Variants in ZIM2 observed in about 807,000 individuals in gnomAD.
ZIM2 encodes the protein zinc finger protein 656.
A neutral mutation model predicts 38.6 loss-of-function variants in ZIM2; 14 were observed. That is an observed-to-expected ratio of 0.36 (90% CI 0.24 to 0.57). The LOEUF (loss-of-function observed/expected upper bound fraction) is 0.57. ZIM2 is among the 20% of genes least tolerant of loss of function. The pLI is 0.81. For missense variants in ZIM2, 680 were observed against 695.1 expected (o/e 0.98, Z 0.24); for synonymous variants, 247 against 245.8 (o/e 1.00, Z -0.04).
chr19:56,784,768 A>T (rs1217802073), intron 10 of ZIM2, among the ~76,000 whole-genome samples: 1 of 152,178 alleles, frequency 6.6e-6, no homozygotes, highest in Non-Finnish European at 1.5e-5. Context: ...GATCCATTAC[A>T]TTATCTCTAA....
rs563301824 is a variant in ZIM2, at chr19:56,824,739, G to A, written c.-150-312C>T. The stretch of plus-strand genomic sequence containing the variant: ...CAGCCTGTGACCGTCAGTACTCAGG[G>A]ACCTGTGGATCGTAAGGAGATATAC... On this transcript the variant is annotated intron_variant, in intron 3 of 12. Coordinates refer to ENST00000629319, the MANE Select transcript of ZIM2 (RefSeq NM_001387356.1). 197 of 1,324,308 alleles carry A rather than the reference G, an allele frequency of 1.5e-4. 4 individuals are homozygous for A. The South Asian group carries it at 2.2e-3, about 15-fold the overall frequency. The allele number at this position is 1,324,308 out of a possible 1,614,324, so 82.0% of individuals were successfully genotyped here.
Position 56,774,566 on chromosome 19 carries a change from C to T in ZIM2, c.*122G>A. 1.5e-6 allele frequency: 2 copies of T among 1,360,874 alleles called. No individual in the cohort carries two copies. The highest frequency in any genetic ancestry group is 1.8e-5 in the South Asian group (1 of 56,050). 84.3% of individuals were successfully genotyped at this position (1,360,874 alleles called of 1,614,324 possible). ...TGCAACTTTTTTTTTTTTTTTACCA[C>T]ACTTTGATGAATGTTCAAGTTGTTA... On this transcript the variant is annotated 3_prime_UTR_variant, in exon 13 of 13. Coordinates refer to ENST00000629319, the MANE Select transcript of ZIM2 (RefSeq NM_001387356.1).
chr19:56,792,260 G>C (rs2046972366), intron 9 of ZIM2, among the ~76,000 whole-genome samples: 1 of 151,950 alleles, frequency 6.6e-6, no homozygotes, highest in African/African-American at 2.4e-5. Flanking sequence ...ATCTGCGGTG[G>C]CTCTTGTCTA....
At chr19:56,829,331 G>A (rs1177651115) in intron 2 of ZIM2, among the ~76,000 whole-genome samples, 3 of 141,442 alleles carry the variant, frequency 2.1e-5, no homozygotes, top group Admixed American at 7.3e-5. Flanking sequence ...GCAACAGAGC[G>A]AGACTCCATC....
chr19:56,812,416 G>T (rs998292457), intron 9 of ZIM2: 2 of 974,624 alleles, frequency 2.1e-6, no homozygotes, highest in South Asian at 4.8e-5. Context: ...TGACTGTAAA[G>T]AATTTTTTTT....
intron 10 of ZIM2, among the ~76,000 whole-genome samples, chr19:56,788,472 C>T (rs1176300007): frequency 6.6e-6 from 1 of 152,122 alleles, no homozygotes; most frequent in African/African-American, 2.4e-5. Flanking sequence ...TTGATATTGA[C>T]CTCCACTCTC....
intron 9 of ZIM2, chr19:56,815,783 T>C: frequency 1.2e-6 from 2 of 1,613,842 alleles, no homozygotes; most frequent in Non-Finnish European, 1.7e-6. Context: ...TTGCGATTCT[T>C]ACTGCCCCCT....
chr19:56,784,767 C>T (rs926762526), intron 10 of ZIM2, among the ~76,000 whole-genome samples: 7 of 152,252 alleles, frequency 4.6e-5, no homozygotes, highest in Non-Finnish European at 5.9e-5. Context: ...AGATCCATTA[C>T]ATTATCTCTA....
intron 9 of ZIM2, chr19:56,817,210 G>C: frequency 6.2e-7 from 1 of 1,614,144 alleles, no homozygotes; most frequent in Non-Finnish European, 8.5e-7. Context: ...CTTCTTCCTG[G>C]GACAGCCTTT....
chr19:56,816,730 G>T, intron 9 of ZIM2: 1 of 1,614,062 alleles, frequency 6.2e-7, no homozygotes, highest in Non-Finnish European at 8.5e-7. Context: ...ATGAAGGAAG[G>T]TTTCCTTACA....
At chr19:56,813,867 T>G (rs760882422) in intron 9 of ZIM2, 1 of 1,614,208 alleles carries the variant, frequency 6.2e-7, no homozygotes, top group Admixed American at 1.7e-5. Context: ...TGGCATGAGT[T>G]TTCAGGTGTT....
Position 56,808,698 on chromosome 19 carries a change from G to A in ZIM2, c.490+9048C>T, listed in dbSNP as rs1179915160. Among the ~76,000 whole-genome samples the A allele has an allele frequency of 1.1e-4, 16 of 152,100 alleles. 1 individual carries two copies. The highest frequency in any genetic ancestry group is 1.0e-3 in the Admixed American group (16 of 15,268). ...AATGTTCTGATCCCCAACAATTAGT[G>A]TTTAGATTCAACATCCACTAATCCT... On this transcript the variant is annotated intron_variant, in intron 9 of 12. Transcript: ENST00000629319.
chr19:56,834,018 G>A (rs1351836539), intron 2 of ZIM2, among the ~76,000 whole-genome samples: 1 of 152,116 alleles, frequency 6.6e-6, no homozygotes, highest in Non-Finnish European at 1.5e-5. Context: ...TAGAAAGAGA[G>A]GAAATAATAT....
intron 9 of ZIM2, among the ~76,000 whole-genome samples, chr19:56,805,410 G>A (rs915297886): frequency 2.0e-5 from 3 of 152,186 alleles, no homozygotes; most frequent in Admixed American, 6.5e-5. Flanking sequence ...GTTGTGGATT[G>A]GTTCTGCAGT....
At chr19:56,812,897 CCAAT>C in intron 9 of ZIM2, 1 of 984,714 alleles carries the variant, frequency 1.0e-6, no homozygotes, top group Non-Finnish European at 1.2e-6. Context: ...CATGTGGCAA[CCAAT>C]CAATCTGGGT....
At chr19:56,834,616 G>A (rs1031678236) in intron 2 of ZIM2, among the ~76,000 whole-genome samples, 1 of 152,186 alleles carries the variant, frequency 6.6e-6, no homozygotes, top group Admixed American at 6.5e-5. Context: ...CCTGAGCTTA[G>A]TTAAATGTGG....
intron 2 of ZIM2, chr19:56,833,749 G>A (rs1018417340): frequency 6.5e-6 from 1 of 154,932 alleles, no homozygotes; most frequent in Non-Finnish European, 1.4e-5. Context: ...AAGGTATCCA[G>A]TCTGGTCCAA....
rs144305280 is a variant in ZIM2, at chr19:56,779,484, G to A, written c.740-12C>T. The A allele has an allele frequency of 4.1e-4, 656 of 1,613,266 alleles. 2 individuals are homozygous for A. The highest frequency in any genetic ancestry group is 2.3e-3 in the African/African-American group (174 of 75,028). On this transcript the variant is annotated splice_polypyrimidine_tract_variant and intron_variant, in intron 11 of 12. Transcript: ENST00000629319. ...AGAGAACTGGTGCCCTGTTGGAGAG[G>A]AAGACTGAGAACTCAGGGTTTCAGT...
At chr19:56,821,784 C>T (rs2060512863) in intron 6 of ZIM2, 30 bp from the exon 7 acceptor site, 3 of 1,611,758 alleles carry the variant, frequency 1.9e-6, no homozygotes, top group Non-Finnish European at 2.5e-6. Flanking sequence ...CAACAAGAAG[C>T]AGGGCCCAGT....
Sources: gnomAD v4.1 joint callset for allele counts (sites outside exome capture counted in the v4.1 genomes callset) on GRCh38, gnomAD v4.1.1 for gene constraint, MANE v1.5 for transcripts, NCBI Gene and HGNC (gene_info 2026-07-23, HGNC 2026-07-21) for gene names.